Variants in MSI1 observed in about 807,000 individuals in gnomAD.
MSI1 encodes the protein musashi RNA binding protein 1, also known as RNA-binding protein Musashi homolog 1.
MSI1 carries 15 observed loss-of-function variants against 54.4 expected under a neutral mutation model. That is an observed-to-expected ratio of 0.28 (90% CI 0.18 to 0.42). The LOEUF (loss-of-function observed/expected upper bound fraction) is 0.42, where lower values mean the gene tolerates loss of function less well. Among genes scored for constraint, MSI1 ranks in the 20% least tolerant of loss-of-function variants. The probability of loss-of-function intolerance (pLI) is 1.00; values close to 1 mark genes in which losing one functional copy is unlikely to be tolerated. For missense variants in MSI1, 304 were observed against 506.0 expected (o/e 0.60, Z 3.83); for synonymous variants, 200 against 196.5 (o/e 1.02, Z -0.15).
intron 9 of MSI1, among the ~76,000 whole-genome samples, chr12:120,355,277 C>A (rs1390140788): frequency 6.6e-6 from 1 of 151,322 alleles, no homozygotes; most frequent in Non-Finnish European, 1.5e-5. Context: ...CGGTGGCGGG[C>A]GCCTGTAGTC....
chr12:120,351,238 G>A (rs1471682623), intron 11 of MSI1, 106 bp downstream of exon 11: 3 of 1,086,940 alleles, frequency 2.8e-6, no homozygotes, highest in Non-Finnish European at 4.1e-6. Flanking sequence ...CGGAGGGCTG[G>A]CGGGCAGGAG....
intron 14 of MSI1, among the ~76,000 whole-genome samples, chr12:120,345,146 G>A (rs940169902): frequency 1.7e-4 from 26 of 151,998 alleles, no homozygotes; most frequent in Admixed American, 5.2e-4. Context: ...GAGCCCAGGA[G>A]TTTGAGACCA....
At chr12:120,365,716 C>G (rs1186094582) in intron 4 of MSI1, among the ~76,000 whole-genome samples, 1 of 152,154 alleles carries the variant, frequency 6.6e-6, no homozygotes, top group Non-Finnish European at 1.5e-5. Context: ...TGCAGCTAGG[C>G]TTGGGGCAAG....
chr12:120,351,443 C>A, intron 10 of MSI1, 43 bp from the exon 11 acceptor site: 1 of 1,593,298 alleles, frequency 6.3e-7, no homozygotes, highest in Non-Finnish European at 8.6e-7. Context: ...GCAGGGGAGG[C>A]CCCTTGGACA....
At chr12:120,357,501 T>TTTTTG (rs1875236408) in intron 8 of MSI1, among the ~76,000 whole-genome samples, 1 of 152,144 alleles carries the variant, frequency 6.6e-6, no homozygotes, top group Non-Finnish European at 1.5e-5. Context: ...CATGTTTTTG[T>TTTTTG]TTTTGTTTTG....
chr12:120,361,992 C>A (rs556566781), intron 6 of MSI1, among the ~76,000 whole-genome samples: 4 of 151,886 alleles, frequency 2.6e-5, no homozygotes, highest in Admixed American at 1.3e-4. Flanking sequence ...CACAAAGACA[C>A]CCCGCCGCAG....
At chr12:120,366,347 C>A (rs533481589) in intron 4 of MSI1, among the ~76,000 whole-genome samples, 1 of 152,318 alleles carries the variant, frequency 6.6e-6, no homozygotes, top group East Asian at 1.9e-4. Flanking sequence ...AAAATCCACA[C>A]TGGGGCAATG....
intron 14 of MSI1, among the ~76,000 whole-genome samples, chr12:120,345,165 A>C (rs1874007918): frequency 6.6e-6 from 1 of 151,690 alleles, no homozygotes; most frequent in South Asian, 2.1e-4. Flanking sequence ...CAGCCTGGGC[A>C]ACACAGTGAA....
At position 120,369,085 on chromosome 12, in the gene MSI1, T is replaced by C. The variant is rs1213368645; in HGVS notation, c.7A>G (p.Thr3Ala). Residue 3 changes from threonine (T) to alanine (A), a missense_variant, in exon 1 of 15, where the codon ACT (threonine) becomes GCT (alanine). Physicochemically the swap from Thr to Ala is moderately conservative, Grantham distance 58. Around this residue, in one of 4 missense-constraint regions of MSI1, gnomAD observed 30 missense variants for 24.8 expected, o/e 1.21. Transcript: ENST00000257552. The stretch of plus-strand genomic sequence containing the variant: ...GCGAGGCCGGGCTGGGGCGCGTCAG[T>C]CTCCATCGGGAGCCGCGGGCGGCGC... ME[T>A]DAPQPGLASP... 9.8e-7 allele frequency: 1 copy of C among 1,018,496 alleles called. No homozygotes were observed. Among genetic ancestry groups the C allele is most frequent in the Non-Finnish European group, 1.2e-6 (1 of 856,418 alleles). The allele number at this position is 1,018,496 out of a possible 1,614,324, so 63.1% of individuals were successfully genotyped here. A position where few individuals can be genotyped will look rare whatever the true frequency, so the allele number is the denominator to read the frequency against.
intron 11 of MSI1, 133 bp downstream of exon 11, chr12:120,351,211 T>A: frequency 1.1e-6 from 1 of 884,294 alleles, no homozygotes; most frequent in Non-Finnish European, 1.8e-6. Flanking sequence ...AGGCACAGTC[T>A]GCTGTGTCCC....
chr12:120,346,578 T>C lies in MSI1; in HGVS notation c.860-256A>G, dbSNP rs978354642. On this transcript the variant is annotated intron_variant, in intron 12 of 14. Transcript: ENST00000257552. The stretch of plus-strand genomic sequence containing the variant: ...TCTCCCCACCTAGCAGCTGAATGCA[T>C]GTTCTAAACCCTGACCCGCGTCCCT... 5.3e-5 allele frequency among the ~76,000 whole-genome samples: 8 copies of C among 152,114 alleles called. No individual in the cohort carries two copies. In the East Asian group the frequency reaches 1.5e-3, roughly 29 times the overall value.
chr12:120,365,948 T>C (rs948906085), intron 4 of MSI1, among the ~76,000 whole-genome samples: 5 of 152,174 alleles, frequency 3.3e-5, no homozygotes, highest in Non-Finnish European at 7.3e-5. Flanking sequence ...CTGCCCTTCA[T>C]TGCACAAACA....
At chr12:120,357,970 A>T (rs1875284771) in intron 7 of MSI1, 72 bp from the exon 8 acceptor site, 1 of 1,282,484 alleles carries the variant, frequency 7.8e-7, no homozygotes, top group African/African-American at 1.5e-5. Flanking sequence ...CCCAGGTCGT[A>T]CCAATATCCC....
At chr12:120,355,010 T>C (rs1485648135) in intron 9 of MSI1, among the ~76,000 whole-genome samples, 2 of 102,964 alleles carry the variant, frequency 1.9e-5, no homozygotes, top group Non-Finnish European at 3.5e-5. Context: ...CTGGGCAACA[T>C]AGTGAGACCC....
chr12:120,358,951 C>G, intron 7 of MSI1, 54 bp downstream of exon 7: 1 of 1,544,104 alleles, frequency 6.5e-7, no homozygotes, highest in Non-Finnish European at 8.8e-7. Context: ...TGACCTGCAG[C>G]CCCCTGGCTG....
At position 120,368,397 on chromosome 12, in the gene MSI1, C is replaced by T; in HGVS notation, c.101-124G>A. 3.0e-6 allele frequency: 3 copies of T among 986,800 alleles called. No homozygotes were observed. Among genetic ancestry groups the T allele is most frequent in the South Asian group, 3.6e-5 (2 of 55,038 alleles). 61.1% of individuals were successfully genotyped at this position (986,800 alleles called of 1,614,324 possible). A position where few individuals can be genotyped will look rare whatever the true frequency, so the allele number is the denominator to read the frequency against. On this transcript the variant is annotated intron_variant, in intron 2 of 14. Coordinates refer to ENST00000257552, the MANE Select transcript of MSI1 (RefSeq NM_002442.4). This position sits in a 1 kb window ranked among gnomAD's most constrained non-coding sequence, Gnocchi z 6.6. ...CCGCGCCAAGCTGCCCGCGCGTTCT[C>T]CACTGCCGCCGCCCCCCACCGCCCT... is the stretch of plus-strand genomic sequence containing the variant.
intron 9 of MSI1, among the ~76,000 whole-genome samples, chr12:120,356,009 G>A (rs1875085603): frequency 6.6e-6 from 1 of 152,078 alleles, no homozygotes; most frequent in African/African-American, 2.4e-5. Flanking sequence ...GCCAAACTCA[G>A]ATTTACCACC....
rs773815530 is a variant in MSI1, at chr12:120,351,373, G to A, written c.761C>T (p.Pro254Leu). ...PEFRVERTPL[P>L]SAPVLPELTA... ...AAGCTCGGGGAGGACTGGGGCGCTC[G>A]GGAGAGGGGTCCGCTCTACACGGAA... Residue 254 changes from proline (P) to leucine (L), a missense_variant, in exon 11 of 15, where the codon CCG becomes CTG. Around this residue, in one of 4 missense-constraint regions of MSI1, gnomAD observed 147 missense variants for 231.5 expected, o/e 0.64. Transcript: ENST00000257552. The A allele has an allele frequency of 3.3e-5, 54 of 1,612,218 alleles. No homozygotes were observed. Among genetic ancestry groups the A allele is most frequent in the South Asian group, 2.9e-4 (26 of 90,944 alleles).
intron 7 of MSI1, 57 bp downstream of exon 7, chr12:120,358,948 C>T: frequency 1.9e-6 from 3 of 1,541,200 alleles, no homozygotes; most frequent in Non-Finnish European, 2.6e-6. Context: ...CTGTGACCTG[C>T]AGCCCCCTGG....
Sources: gnomAD v4.1 joint callset for allele counts (sites outside exome capture counted in the v4.1 genomes callset) on GRCh38, gnomAD v4.1.1 for gene constraint, gnomAD v4.1.1 regional missense constraint, Gnocchi (gnomAD v3.1) non-coding constraint, MANE v1.5 for transcripts, NCBI Gene and HGNC (gene_info 2026-07-23, HGNC 2026-07-21) for gene names.